The following ATG10 variants were observed in gnomAD, a reference collection of about 807,000 sequenced individuals.
The protein encoded by ATG10 is autophagy related 10, also known as ubiquitin-like-conjugating enzyme ATG10.
ATG10 carries 30 observed loss-of-function variants against 32.1 expected under a neutral mutation model. The observed-to-expected ratio is 0.94, with a 90% CI of 0.70 to 1.27. The LOEUF is 1.27. Among genes scored for constraint, ATG10 ranks in the 50% most tolerant of loss-of-function variants. The pLI is 0.00. For synonymous variants in ATG10, 87 were observed against 91.5 expected (o/e 0.95, Z 0.28); for missense variants, 233 against 262.3 (o/e 0.89, Z 0.77).
chr5:82,061,503 A>T (rs968728213), intron 3 of ATG10, among the ~76,000 whole-genome samples: 1 of 151,876 alleles, frequency 6.6e-6, no homozygotes, highest in Non-Finnish European at 1.5e-5. Flanking sequence ...TGTAAACCCC[A>T]TGGAGGTAAG....
chr5:82,078,596 T>C (rs1465274467), intron 3 of ATG10: 2 of 152,106 alleles, frequency 1.3e-5, no homozygotes, highest in Non-Finnish European at 2.9e-5. Flanking sequence ...CTAGGTTACA[T>C]AAGGAGGGGT....
intron 2 of ATG10, among the ~76,000 whole-genome samples, chr5:82,037,244 T>TGAACTGTAGTCATGATAGTGAGCA (rs1561266891): frequency 1.7e-5 from 1 of 58,056 alleles, no homozygotes; most frequent in Non-Finnish European, 3.4e-5. Flanking sequence ...CTTTTTTTTT[T>TGAACTGTAGTCATGATAGTGAGCA]TTTTTTTTTT....
At chr5:82,247,347 C>T (rs1353827892) in intron 5 of ATG10, among the ~76,000 whole-genome samples, 1 of 152,068 alleles carries the variant, frequency 6.6e-6, no homozygotes, top group Non-Finnish European at 1.5e-5. Context: ...CTTTTCTTCA[C>T]ATTGAATACT....
At chr5:82,076,794 T>C (rs1764286680) in intron 3 of ATG10, among the ~76,000 whole-genome samples, 1 of 152,196 alleles carries the variant, frequency 6.6e-6, no homozygotes, top group African/African-American at 2.4e-5. Context: ...GGATAATATG[T>C]TAAATATGTG....
chr5:82,223,863 A>C (rs2149996286), intron 5 of ATG10, among the ~76,000 whole-genome samples: 1 of 152,282 alleles, frequency 6.6e-6, no homozygotes, highest in South Asian at 2.1e-4. Context: ...CTATCTTAGA[A>C]TATTTGGTAG....
chr5:82,107,632 G>T (rs1765483156), intron 3 of ATG10, among the ~76,000 whole-genome samples: 1 of 151,976 alleles, frequency 6.6e-6, no homozygotes, highest in Non-Finnish European at 1.5e-5. Flanking sequence ...GAAATTAAAA[G>T]ACTTGAGGGG....
chr5:81,985,416 G>A (rs778145292), intron 1 of ATG10, among the ~76,000 whole-genome samples: 2 of 152,044 alleles, frequency 1.3e-5, no homozygotes, highest in Non-Finnish European at 2.9e-5. Flanking sequence ...ATATAGAATC[G>A]GTATTGCCAG....
intron 2 of ATG10, among the ~76,000 whole-genome samples, chr5:82,051,020 C>A (rs1763402043): frequency 6.6e-6 from 1 of 151,884 alleles, no homozygotes; most frequent in African/African-American, 2.4e-5. Context: ...GTTAAAAAAA[C>A]AATTCTACGA....
intron 3 of ATG10, among the ~76,000 whole-genome samples, chr5:82,101,660 C>T (rs567585824): frequency 3.9e-5 from 6 of 152,284 alleles, no homozygotes; most frequent in Admixed American, 3.9e-4. Context: ...ATAGTTTCAT[C>T]TGCCCCAAAT....
chr5:82,108,875 T>C (rs935724222), intron 3 of ATG10, among the ~76,000 whole-genome samples: 7 of 143,126 alleles, frequency 4.9e-5, no homozygotes, highest in African/African-American at 1.5e-4. Context: ...GCTAGGGGAG[T>C]GGGATGGGAA....
At chr5:82,006,234 G>A (rs1236547041) in intron 2 of ATG10, among the ~76,000 whole-genome samples, 1 of 152,046 alleles carries the variant, frequency 6.6e-6, no homozygotes, top group African/African-American at 2.4e-5. Context: ...TCATCTCTGA[G>A]TACAAAGCCC....
chr5:82,004,243 A>AG (rs889616598), intron 2 of ATG10, among the ~76,000 whole-genome samples: 3 of 152,158 alleles, frequency 2.0e-5, no homozygotes, highest in African/African-American at 7.2e-5. Flanking sequence ...TGAAAGGTTG[A>AG]GGGGGAATTT....
chr5:82,082,154 G>T (rs111436666), intron 3 of ATG10, among the ~76,000 whole-genome samples: 15 of 152,198 alleles, frequency 9.9e-5, no homozygotes, highest in African/African-American at 2.4e-4. Flanking sequence ...TGAGATTTGG[G>T]GGGGGGGACA....
At chr5:81,991,403 C>A (rs533939793) in intron 2 of ATG10, among the ~76,000 whole-genome samples, 1 of 152,018 alleles carries the variant, frequency 6.6e-6, no homozygotes, top group African/African-American at 2.4e-5. Flanking sequence ...TAAGTTTTGA[C>A]GTATCTATAG....
intron 5 of ATG10, among the ~76,000 whole-genome samples, chr5:82,182,283 G>A (rs1744266888): frequency 6.6e-6 from 1 of 152,050 alleles, no homozygotes; most frequent in South Asian, 2.1e-4. Flanking sequence ...TGTGTAATGT[G>A]CTTATTAGCT....
At chr5:82,033,745 CACACACACACACACAT>C (rs1762809909) in intron 2 of ATG10, among the ~76,000 whole-genome samples, 2 of 151,496 alleles carry the variant, frequency 1.3e-5, no homozygotes, top group South Asian at 4.2e-4. Flanking sequence ...CACACACACA[CACACACACACACACAT>C]ATGTGTGTAT....
At chr5:81,986,642 A>C (rs542542266) in intron 1 of ATG10, among the ~76,000 whole-genome samples, 85 of 152,128 alleles carry the variant, frequency 5.6e-4, no homozygotes, top group Non-Finnish European at 1.1e-3. Flanking sequence ...CCTTGAAGCC[A>C]AACAGGGGTT....
chr5:82,144,901 A>G (rs2149871504), intron 3 of ATG10, among the ~76,000 whole-genome samples: 1 of 152,024 alleles, frequency 6.6e-6, no homozygotes, highest in East Asian at 1.9e-4. Flanking sequence ...ATCTCTTACT[A>G]TGATTGTGGA....
At chr5:82,189,164 G>T (rs1744565089) in intron 5 of ATG10, among the ~76,000 whole-genome samples, 1 of 152,082 alleles carries the variant, frequency 6.6e-6, no homozygotes, top group African/African-American at 2.4e-5. Flanking sequence ...ATTCTCATAT[G>T]CTAATAATAC....
Sources: allele counts gnomAD v4.1 joint callset (sites outside exome capture counted in the v4.1 genomes callset), GRCh38; gene constraint gnomAD v4.1.1; transcripts MANE v1.5; gene names NCBI Gene and HGNC (gene_info 2026-07-23, HGNC 2026-07-21).